The following DPH1 variants were observed in gnomAD, a reference collection of about 807,000 sequenced individuals.
The protein encoded by DPH1 is 2-(3-amino-3-carboxypropyl)histidine synthase subunit 1.
DPH1 carries 59 observed loss-of-function variants against 55.3 expected under a neutral mutation model. The ratio of observed to expected loss-of-function variants is 1.07; its 90% CI spans 0.87 to 1.33. The LOEUF (loss-of-function observed/expected upper bound fraction) is 1.33. DPH1 is among the 40% of genes most tolerant of loss of function. DPH1 has a pLI of 0.00. For synonymous variants in DPH1, 238 were observed against 235.5 expected, an observed-to-expected ratio of 1.01 and a Z score of -0.10; for missense variants, 628 against 584.8, an observed-to-expected ratio of 1.07 and a Z score of -0.76.
At position 2,036,234 on chromosome 17, in the gene DPH1, C is replaced by T. The variant is rs571445091; in HGVS notation, c.400+143C>T. On this transcript the variant is annotated intron_variant, in intron 4 of 12. Transcript: ENST00000263083. This position sits in a 1 kb window ranked among gnomAD's most constrained non-coding sequence, Gnocchi z 4.8. The stretch of plus-strand genomic sequence containing the variant: ...GTTTCTGGGGTGGCCTCTGCCTTCC[C>T]GCTCTGCAGGTAGATCTTTCCTTTG... The T allele has an allele frequency of 6.8e-5, 95 of 1,401,542 alleles. No homozygotes were observed. The highest frequency in any genetic ancestry group is 5.1e-4 in the South Asian group (36 of 70,288). The allele number at this position is 1,401,542 out of a possible 1,614,324, so 86.8% of individuals were successfully genotyped here. A position where few individuals can be genotyped will look rare whatever the true frequency, so the allele number is the denominator to read the frequency against.
intron 12 of DPH1, 86 bp from the exon 13 acceptor site, chr17:2,042,519 C>T: frequency 1.4e-6 from 2 of 1,459,616 alleles, no homozygotes; most frequent in Non-Finnish European, 1.8e-6. Context: ...TCTCTGTCAT[C>T]TCGAACCCTC....
rs769248724 is a variant in DPH1 at position 2,040,407 on chromosome 17, G to A, written c.906+33G>A. 2.4e-5 allele frequency: 38 copies of A among 1,613,346 alleles called. No homozygotes were observed. In the South Asian group the frequency reaches 4.2e-4, roughly 18 times the overall value. ...GGCTCAGGACAGCCTCTGGAGGAGG[G>A]AAGTGACTGGGAACACAGCTGGGAA... On this transcript the variant is annotated intron_variant, in intron 8 of 12. Transcript: ENST00000263083.
At chr17:2,030,828 C>T (rs2042201661) in intron 1 of DPH1, among the ~76,000 whole-genome samples, 1 of 152,158 alleles carries the variant, frequency 6.6e-6, no homozygotes, top group South Asian at 2.1e-4. Context: ...CTGTAATGGG[C>T]CTAGGAAGCC....
In DPH1 at chr17:2,033,791, T is replaced by C; in HGVS notation, c.227T>C (p.Met76Thr). 1 of 1,614,236 alleles carries C rather than the reference T, an allele frequency of 6.2e-7. No individual in the cohort carries two copies. The highest frequency in any genetic ancestry group is 8.5e-7 in the Non-Finnish European group (1 of 1,180,044). ...GCTCGTCTTGCAGTGGCCTTGCAAA[T>C]GCCGGAAGGCCTCCTCCTCTTTGCC... ...QAQAKKVALQ[M>T]PEGLLLFACT... is the part of the protein sequence containing the mutation. The change falls in exon 3 of 13, where the codon ATG becomes ACG. Residue 76 changes from methionine to threonine, a missense_variant. Met to Thr is a moderately conservative substitution (Grantham distance 81). Transcript: ENST00000263083.
chr17:2,042,257 GCACT>G lies in DPH1; in HGVS notation c.*19-345_*19-342del, dbSNP rs539768906. 1,418 of 1,408,204 alleles carry G rather than the reference GCACT, an allele frequency of 1.0e-3. 2 individuals carry two copies. Among genetic ancestry groups the G allele is most frequent in the Non-Finnish European group, 1.1e-3 (1,160 of 1,087,488 alleles). 87.2% of individuals were successfully genotyped at this position (1,408,204 alleles called of 1,614,324 possible). On this transcript the variant is annotated intron_variant, in intron 12 of 12. Coordinates refer to ENST00000263083, the MANE Select transcript of DPH1 (RefSeq NM_001383.6). ...GTGAGACAAGCCCCGCTCCGGAAAC[GCACT>G]CAGTTTCCTCCATCTTGTTTCGTCC...
intron 3 of DPH1, 31 bp from the exon 4 acceptor site, chr17:2,035,939 G>A: frequency 1.2e-6 from 2 of 1,613,372 alleles, no homozygotes; most frequent in East Asian, 2.2e-5. Flanking sequence ...CTGTGTCCCT[G>A]TCCCACCGTT....
In DPH1 at chr17:2,040,551, T is replaced by C; in HGVS notation, c.953T>C (p.Leu318Pro). The change falls in exon 9 of 13, where the codon CTG becomes CCG. Residue 318 changes from leucine (L) to proline (P), a missense_variant. Coordinates refer to ENST00000263083, the MANE Select transcript of DPH1 (RefSeq NM_001383.6). ...LRALGLSFVR[L>P]LLSEIFPSKL... The stretch of plus-strand genomic sequence containing the variant: ...GCCTTGGGCCTTTCCTTTGTGAGGC[T>C]GCTGCTCTCTGAGATCTTCCCCAGC... 6.2e-7 allele frequency: 1 copy of C among 1,614,240 alleles called. No homozygotes were observed. Among genetic ancestry groups the C allele is most frequent in the African/African-American group, 1.3e-5 (1 of 75,066 alleles).
At chr17:2,031,691 T>C (rs2067334865) in intron 1 of DPH1, among the ~76,000 whole-genome samples, 1 of 151,064 alleles carries the variant, frequency 6.6e-6, no homozygotes, top group Non-Finnish European at 1.5e-5. Flanking sequence ...CAGTGGACCA[T>C]GATTGCACCC....
chr17:2,040,875 GA>G, intron 9 of DPH1: 1 of 633,068 alleles, frequency 1.6e-6, no homozygotes, highest in Non-Finnish European at 2.8e-6. Context: ...TGGTTCTGGG[GA>G]TACTATCACC....
intron 6 of DPH1, chr17:2,039,488 C>T (rs1307438278): frequency 1.8e-5 from 7 of 396,070 alleles, no homozygotes; most frequent in Non-Finnish European, 2.9e-5. Context: ...CGCCATTCTC[C>T]TGCCTCAGCC....
Position 2,036,110 on chromosome 17 carries a change from A to G in DPH1, c.400+19A>G. Reference sequence around the variant, plus strand: ...TGCCTGAGTATGGTGGGGCCAGGACACCTGGACGGTGGCGGGGCTGGCAGG... The same window carrying G: ...TGCCTGAGTATGGTGGGGCCAGGACGCCTGGACGGTGGCGGGGCTGGCAGG... On this transcript the variant is annotated intron_variant, in intron 4 of 12. Coordinates refer to ENST00000263083, the MANE Select transcript of DPH1 (RefSeq NM_001383.6). This position sits in a 1 kb window ranked among gnomAD's most constrained non-coding sequence, Gnocchi z 4.8. 6.2e-7 allele frequency: 1 copy of G among 1,612,612 alleles called. No homozygotes were observed. Among genetic ancestry groups the G allele is most frequent in the South Asian group, 1.1e-5 (1 of 91,058 alleles).
Position 2,042,756 on chromosome 17 carries a change from T to A in DPH1, c.*170T>A, listed in dbSNP as rs751301699. The A allele has an allele frequency of 6.2e-6, 10 of 1,605,720 alleles. No homozygotes were observed. Among genetic ancestry groups the A allele is most frequent in the Non-Finnish European group, 8.5e-6 (10 of 1,176,408 alleles). ...AGGCACTGAACAGGCTGGGGCCTTT[T>A]GACGGCCTTCTTGGTTTCAGCCAAG... is the stretch of plus-strand genomic sequence containing the variant. On this transcript the variant is annotated 3_prime_UTR_variant, in exon 13 of 13. Transcript: ENST00000263083.
rs764177982 is a variant in DPH1, at chr17:2,041,512, A to G, written c.1118A>G (p.Gln373Arg). ...GTGGCTCTGAGGGACATTTCCTGGC[A>G]GCAGCCCTACCCGATGGACTTCTAC... The part of the protein sequence containing the change: ...AAVALRDISW[Q>R]QPYPMDFYAG... The change falls in exon 11 of 13, where the codon CAG (glutamine) becomes CGG (arginine). Residue 373 changes from glutamine to arginine, a missense_variant. Transcript: ENST00000263083. 2 of 1,612,076 alleles carry G rather than the reference A, an allele frequency of 1.2e-6. No individual in the cohort carries two copies. The highest frequency in any genetic ancestry group is 3.3e-5 in the Admixed American group (2 of 59,706).
intron 10 of DPH1, 75 bp downstream of exon 10, chr17:2,041,256 G>T (rs2067517158): frequency 1.3e-6 from 2 of 1,530,756 alleles, no homozygotes; most frequent in Non-Finnish European, 1.8e-6. Context: ...GAGTGGGGTG[G>T]GTGGGCAGCA....
chr17:2,042,926 T>C lies in DPH1; in HGVS notation c.*340T>C. ...TCCATCCTGCAAAGGCCCTTGTCAT[T>C]GCCTTCGCTCCATGTTTTTGGGGAC... On this transcript the variant is annotated 3_prime_UTR_variant, in exon 13 of 13. Coordinates refer to ENST00000263083, the MANE Select transcript of DPH1 (RefSeq NM_001383.6). The C allele has an allele frequency of 1.9e-6, 3 of 1,614,180 alleles. No individual in the cohort carries two copies. The highest frequency in any genetic ancestry group is 1.7e-6 in the Non-Finnish European group (2 of 1,180,040).
At chr17:2,042,031 G>A in intron 12 of DPH1, 156 bp downstream of exon 12, 1 of 1,502,514 alleles carries the variant, frequency 6.7e-7, no homozygotes, top group Non-Finnish European at 8.8e-7. Context: ...TGCTTCCGTC[G>A]CTCCTTGCCG....
intron 9 of DPH1, 59 bp from the exon 10 acceptor site, chr17:2,041,044 C>G: frequency 2.0e-6 from 3 of 1,519,382 alleles, no homozygotes; most frequent in Non-Finnish European, 2.7e-6. Context: ...TGTTCTTCAG[C>G]ATGCTGCCTG....
At chr17:2,042,232 G>C in intron 12 of DPH1, 1 of 1,421,848 alleles carries the variant, frequency 7.0e-7, no homozygotes. Context: ...TCAGACTTCG[G>C]TGAGACAAGC....
At position 2,043,240 on chromosome 17, in the gene DPH1, T is replaced by A; in HGVS notation, c.*654T>A. On this transcript the variant is annotated 3_prime_UTR_variant, in exon 13 of 13. Transcript: ENST00000263083. ...CCAGTTAAGAGACAACTATCAATTC[T>A]TGAGACCCAAATTATAAGGGCCCTG... 9.1e-7 allele frequency: 1 copy of A among 1,099,390 alleles called. No individual in the cohort carries two copies. The highest frequency in any genetic ancestry group is 1.6e-5 in the African/African-American group (1 of 63,694). The allele number at this position is 1,099,390 out of a possible 1,614,324, so 68.1% of individuals were successfully genotyped here.
Sources: gnomAD v4.1 joint callset for allele counts (sites outside exome capture counted in the v4.1 genomes callset) on GRCh38, gnomAD v4.1.1 for gene constraint, Gnocchi (gnomAD v3.1) non-coding constraint, MANE v1.5 for transcripts, NCBI Gene and HGNC (gene_info 2026-07-23, HGNC 2026-07-21) for gene names.